The following LRRC8A variants were observed in gnomAD, a reference collection of about 807,000 sequenced individuals.
LRRC8A encodes the protein leucine rich repeat containing 8 VRAC subunit A, also known as volume-regulated anion channel subunit LRRC8A.
Under a neutral mutation model 52.5 loss-of-function variants are expected in LRRC8A, and 24 were observed. The observed-to-expected ratio is 0.46, with a 90% CI of 0.33 to 0.64. The LOEUF is 0.64. LRRC8A is among the 30% of genes least tolerant of loss of function. LRRC8A has a pLI of 0.02. For missense variants in LRRC8A, 677 were observed against 1,094.7 expected, an observed-to-expected ratio of 0.62 and a Z score of 5.38; for synonymous variants, 492 against 494.2, an observed-to-expected ratio of 1.00 and a Z score of 0.06.
chr9:128,891,984 A>G (rs1839640640), intron 2 of LRRC8A, among the ~76,000 whole-genome samples: 2 of 152,204 alleles, frequency 1.3e-5, no homozygotes, highest in Non-Finnish European at 2.9e-5. Context: ...TAATAACAGC[A>G]GTGAACGTTC....
At chr9:128,909,465 C>T in intron 3 of LRRC8A, 144 bp downstream of exon 3, 1 of 783,334 alleles carries the variant, frequency 1.3e-6, no homozygotes, top group East Asian at 2.5e-5. Flanking sequence ...CAGAACCATC[C>T]AGGATAGAAG....
chr9:128,885,982 T>C (rs886855901), intron 1 of LRRC8A, 33 bp from the exon 2 acceptor site: 8 of 152,406 alleles, frequency 5.2e-5, no homozygotes, highest in Admixed American at 4.6e-4. Flanking sequence ...GTCACACATG[T>C]GCCTGCTGAC....
chr9:128,910,810 A>G (rs922136911), intron 3 of LRRC8A, among the ~76,000 whole-genome samples: 5 of 152,218 alleles, frequency 3.3e-5, no homozygotes, highest in Admixed American at 6.5e-5. Context: ...GCTTATAAAA[A>G]GCGTGCAGCT....
intron 1 of LRRC8A, among the ~76,000 whole-genome samples, chr9:128,883,072 T>G (rs571106991): frequency 6.6e-6 from 1 of 152,228 alleles, no homozygotes; most frequent in East Asian, 1.9e-4. Context: ...ATTGTTGCCT[T>G]TTTTGGGAAG....
At chr9:128,909,388 C>T in intron 3 of LRRC8A, 67 bp downstream of exon 3, 1 of 1,477,210 alleles carries the variant, frequency 6.8e-7, no homozygotes, top group African/African-American at 1.4e-5. Flanking sequence ...TGTGGTGGGG[C>T]ACTCGGCAGG....
chr9:128,888,029 C>T (rs1011202240), intron 2 of LRRC8A, among the ~76,000 whole-genome samples: 1 of 152,146 alleles, frequency 6.6e-6, no homozygotes, highest in Non-Finnish European at 1.5e-5. Context: ...CTGGCCCCTC[C>T]CCCTCACATG....
At chr9:128,904,390 G>A (rs868318927) in intron 2 of LRRC8A, among the ~76,000 whole-genome samples, 1 of 151,600 alleles carries the variant, frequency 6.6e-6, no homozygotes, top group African/African-American at 2.4e-5. Context: ...GTGGTAGCGT[G>A]TGCCTGTAAT....
intron 3 of LRRC8A, among the ~76,000 whole-genome samples, chr9:128,915,411 G>T (rs1344632817): frequency 6.6e-6 from 1 of 152,124 alleles, no homozygotes; most frequent in East Asian, 1.9e-4. Context: ...TGCAAGCTCC[G>T]CCTCCCGGGT....
At chr9:128,912,949 G>C (rs901692873) in intron 3 of LRRC8A, 6 of 152,380 alleles carry the variant, frequency 3.9e-5, no homozygotes, top group African/African-American at 1.4e-4. Context: ...AGGAAGCACA[G>C]GTTTTCAGAG....
rs1840549422 is a variant in LRRC8A, at chr9:128,911,863, AG to A, written c.2157+2544del. Among the ~76,000 whole-genome samples the A allele has an allele frequency of 6.6e-6, 1 of 152,242 alleles. No homozygotes were observed. Among genetic ancestry groups the A allele is most frequent in the Non-Finnish European group, 1.5e-5 (1 of 68,040 alleles). On this transcript the variant is annotated intron_variant, in intron 3 of 3. Coordinates refer to ENST00000372600, the MANE Select transcript of LRRC8A (RefSeq NM_019594.4). The surrounding 1 kb of genome is among the most constrained non-coding windows in gnomAD (Gnocchi z 4.9). ...CAGTTCACTTGGGCCAACCCCAGGC[AG>A]GCCCCTCATTCTGAGTGGGAGGCCT...
At position 128,908,187 on chromosome 9, in the gene LRRC8A, GTGGA is replaced by G. The variant is rs1564527801; in HGVS notation, c.1026_1029del (p.Trp342CysfsTer55). ...GCCTCATCTGCATGTATACACTGTG[GTGGA>G]TGCTACGGCGCTCCCTCAAGAAGTA... On this transcript the variant is annotated frameshift_variant, in exon 3 of 4. Coordinates refer to ENST00000372600, the MANE Select transcript of LRRC8A (RefSeq NM_019594.4). LOFTEE classifies it high-confidence loss of function. 6.2e-7 allele frequency: 1 copy of G among 1,614,056 alleles called. No homozygotes were observed. Among genetic ancestry groups the G allele is most frequent in the South Asian group, 1.1e-5 (1 of 91,074 alleles).
At chr9:128,909,506 C>T (rs1387152398) in intron 3 of LRRC8A, among the ~76,000 whole-genome samples, 185 bp downstream of exon 3, 1 of 152,266 alleles carries the variant, frequency 6.6e-6, no homozygotes, top group African/African-American at 2.4e-5. Context: ...CCTTGGGCCC[C>T]ATCCCAGGCC....
At chr9:128,894,532 C>A (rs1026743807) in intron 2 of LRRC8A, among the ~76,000 whole-genome samples, 1 of 150,254 alleles carries the variant, frequency 6.7e-6, no homozygotes, top group African/African-American at 2.5e-5. Flanking sequence ...GTGGCTGACA[C>A]CTGTAATCCC....
intron 2 of LRRC8A, among the ~76,000 whole-genome samples, chr9:128,888,125 T>C (rs973324634): frequency 6.6e-6 from 1 of 152,026 alleles, no homozygotes; most frequent in Non-Finnish European, 1.5e-5. Flanking sequence ...CTCTCCTGTT[T>C]ATGGGATAAG....
At position 128,907,573 on chromosome 9, in the gene LRRC8A, C is replaced by T; in HGVS notation, c.409C>T (p.Leu137=). ...YLVLLHTLIF[L]ACSNFWFKFP... is the part of the protein sequence containing the mutation. Reference sequence around the variant, plus strand: ...GGTGCTTCTGCACACGCTCATCTTCCTGGCCTGCAGCAACTTCTGGTTCAA... The same window carrying T: ...GGTGCTTCTGCACACGCTCATCTTCTTGGCCTGCAGCAACTTCTGGTTCAA... Residue 137 remains leucine, a synonymous_variant, in exon 3 of 4, where the codon CTG becomes TTG. Transcript: ENST00000372600. This position sits in a 1 kb window ranked among gnomAD's most constrained non-coding sequence, Gnocchi z 9.3. 6.2e-7 allele frequency: 1 copy of T among 1,614,192 alleles called. No individual in the cohort carries two copies. Among genetic ancestry groups the T allele is most frequent in the Non-Finnish European group, 8.5e-7 (1 of 1,180,046 alleles).
intron 2 of LRRC8A, among the ~76,000 whole-genome samples, chr9:128,888,337 G>C (rs1382173356): frequency 6.6e-6 from 1 of 152,108 alleles, no homozygotes; most frequent in African/African-American, 2.4e-5. Context: ...CCGGCCTGAG[G>C]GGTTTTGGCC....
rs755255742 is a variant in LRRC8A, at chr9:128,908,130, G to A, written c.966G>A (p.Ala322=). 2.9e-5 allele frequency: 47 copies of A among 1,613,858 alleles called. No individual in the cohort carries two copies. Among genetic ancestry groups the A allele is most frequent in the Middle Eastern group, 1.6e-4 (1 of 6,084 alleles). The change falls in exon 3 of 4, where the codon GCG becomes GCA. Residue 322 remains alanine, a synonymous_variant. Transcript: ENST00000372600. ...HPLATLFKIL[A]SFYISLVIFY... ...TGGCCACACTCTTCAAGATCCTGGC[G>A]TCCTTCTACATCAGCCTAGTCATCT...
In LRRC8A at chr9:128,907,860, G is replaced by T. The variant is rs775055079; in HGVS notation, c.696G>T (p.Leu232=). 1.7e-5 allele frequency: 27 copies of T among 1,614,102 alleles called. No homozygotes were observed. Among genetic ancestry groups the T allele is most frequent in the Non-Finnish European group, 2.3e-5 (27 of 1,180,018 alleles). The change falls in exon 3 of 4, where the codon CTG becomes CTT. Residue 232 remains leucine (L), a synonymous_variant. Transcript: ENST00000372600. This position sits in a 1 kb window ranked among gnomAD's most constrained non-coding sequence, Gnocchi z 9.3. ...GIVDRSETGV[L]DKKEGEQAKA... is the part of the protein sequence containing the mutation. ...TGGACCGCTCAGAGACGGGCGTGCT[G>T]GACAAGAAGGAGGGGGAGCAAGCCA...
At chr9:128,893,900 A>G (rs1839720229) in intron 2 of LRRC8A, among the ~76,000 whole-genome samples, 1 of 151,168 alleles carries the variant, frequency 6.6e-6, no homozygotes, top group East Asian at 2.0e-4. Context: ...ATTTTTTGAG[A>G]CAGAGTCTCA....
Sources: gnomAD v4.1 joint callset for allele counts (sites outside exome capture counted in the v4.1 genomes callset) on GRCh38, gnomAD v4.1.1 for gene constraint, Gnocchi (gnomAD v3.1) non-coding constraint, MANE v1.5 for transcripts, NCBI Gene and HGNC (gene_info 2026-07-23, HGNC 2026-07-21) for gene names.